IL1RAPL1: variants seen among roughly 807,000 people sequenced by gnomAD.
IL1RAPL1 encodes interleukin-1 receptor accessory protein-like 1.
IL1RAPL1 carries 3 observed loss-of-function variants against 48.4 expected under a neutral mutation model. The observed-to-expected ratio is 0.06, with a 90% CI of 0.03 to 0.16. The LOEUF (loss-of-function observed/expected upper bound fraction) is 0.16, where lower values mean the gene tolerates loss of function less well. Ranked by LOEUF, IL1RAPL1 falls within the 10% of genes least tolerant of loss-of-function variation. The probability of loss-of-function intolerance (pLI) is 1.00; values close to 1 mark genes in which losing one functional copy is unlikely to be tolerated. For missense variants in IL1RAPL1, 349 were observed against 530.6 expected (o/e 0.66, Z 3.36); for synonymous variants, 185 against 187.7 (o/e 0.99, Z 0.12).
chrX:28,724,351 G>A (rs1474253214), intron 1 of IL1RAPL1, among the ~76,000 whole-genome samples: 1 of 111,275 alleles, frequency 9.0e-6, no homozygotes, highest in Non-Finnish European at 1.9e-5. Context: ...TTATGTAATG[G>A]CCTTCTTTGT....
At chrX:29,127,164 A>G (rs187988503) in intron 2 of IL1RAPL1, among the ~76,000 whole-genome samples, 2 of 110,541 alleles carry the variant, frequency 1.8e-5, no homozygotes, top group East Asian at 2.8e-4. Context: ...CCTGTTTCTT[A>G]TTCTTTATTA....
chrX:29,284,541 G>A (rs375650733), intron 3 of IL1RAPL1, among the ~76,000 whole-genome samples: 1 of 111,653 alleles, frequency 9.0e-6, no homozygotes, highest in African/African-American at 3.3e-5. Flanking sequence ...CGAGGAGTTC[G>A]AGACCGGCCT....
intron 2 of IL1RAPL1, among the ~76,000 whole-genome samples, chrX:29,216,264 G>A (rs774672127): frequency 1.8e-5 from 2 of 110,613 alleles, no homozygotes; most frequent in Admixed American, 9.7e-5. Context: ...ATCACAATTC[G>A]CTGTAGCCTC....
intron 3 of IL1RAPL1, among the ~76,000 whole-genome samples, chrX:29,367,553 T>TA (rs375177272): frequency 5.2e-5 from 3 of 57,343 alleles, no homozygotes; most frequent in Non-Finnish European, 9.3e-5. Context: ...TCTATTTATT[T>TA]TTATTTATTT....
chrX:29,905,800 A>G (rs1172534223), intron 6 of IL1RAPL1, among the ~76,000 whole-genome samples: 1 of 111,604 alleles, frequency 9.0e-6, no homozygotes, highest in Non-Finnish European at 1.9e-5. Context: ...TGACTCCCAC[A>G]CAGATGGAAG....
intron 6 of IL1RAPL1, among the ~76,000 whole-genome samples, chrX:29,884,843 A>G (rs1398544625): frequency 1.8e-5 from 2 of 111,408 alleles, no homozygotes; most frequent in East Asian, 5.7e-4. Context: ...CTCACTCTTT[A>G]CATCCAATCT....
intron 2 of IL1RAPL1, among the ~76,000 whole-genome samples, chrX:29,004,794 G>A (rs1333889836): frequency 9.0e-6 from 1 of 111,475 alleles, no homozygotes; most frequent in Non-Finnish European, 1.9e-5. Context: ...CCCGGAGTTT[G>A]AGGCTGTTTT....
At chrX:29,383,071 A>G (rs988807706) in intron 3 of IL1RAPL1, among the ~76,000 whole-genome samples, 1 of 112,384 alleles carries the variant, frequency 8.9e-6, no homozygotes, top group Non-Finnish European at 1.9e-5. Flanking sequence ...AATGAAGGGT[A>G]TGTGCAACAA....
chrX:29,587,551 G>T (rs1415290018), intron 5 of IL1RAPL1, among the ~76,000 whole-genome samples: 2 of 111,861 alleles, frequency 1.8e-5, no homozygotes, highest in East Asian at 5.6e-4. Context: ...AAATAAGTTT[G>T]TGAGTTAATA....
intron 5 of IL1RAPL1, among the ~76,000 whole-genome samples, chrX:29,510,523 A>G (rs982269913): frequency 3.6e-5 from 4 of 112,070 alleles, no homozygotes; most frequent in Admixed American, 1.9e-4. Context: ...ATTAGACCAT[A>G]CATATACTTG....
intron 9 of IL1RAPL1, among the ~76,000 whole-genome samples, chrX:29,952,365 G>A (rs972772480): frequency 1.8e-5 from 2 of 111,482 alleles, no homozygotes; most frequent in African/African-American, 6.5e-5. Flanking sequence ...TCTGGCCTGA[G>A]GAGTCCTTCC....
intron 2 of IL1RAPL1, among the ~76,000 whole-genome samples, chrX:29,161,512 C>T (rs1054911297): frequency 8.9e-6 from 1 of 111,904 alleles, no homozygotes; most frequent in East Asian, 2.8e-4. Context: ...TCGCAGACAC[C>T]TCTAGGTTTA....
chrX:29,284,569 C>G (rs775873913), intron 3 of IL1RAPL1, among the ~76,000 whole-genome samples: 318 of 111,095 alleles, frequency 2.9e-3, no homozygotes, highest in Non-Finnish European at 5.2e-3. Context: ...ATGGCAAAAC[C>G]CCATCTCTAC....
At chrX:28,873,829 C>T (rs967405195) in intron 2 of IL1RAPL1, among the ~76,000 whole-genome samples, 12 of 109,984 alleles carry the variant, frequency 1.1e-4, no homozygotes, top group East Asian at 5.7e-4. Context: ...CCGCACCTGG[C>T]CTATTGTTTT....
chrX:28,766,292 A>G (rs1349717228), intron 1 of IL1RAPL1, among the ~76,000 whole-genome samples: 3 of 111,325 alleles, frequency 2.7e-5, no homozygotes, highest in Non-Finnish European at 5.7e-5. Context: ...TATCTAGAAA[A>G]TAGAAATCAA....
intron 2 of IL1RAPL1, among the ~76,000 whole-genome samples, chrX:29,237,115 A>ACTTGTTGT (rs1931324498): frequency 9.1e-6 from 1 of 109,636 alleles, no homozygotes; most frequent in Non-Finnish European, 1.9e-5. Context: ...CAAGTAATAT[A>ACTTGTTGT]TCTGCATGAT....
intron 6 of IL1RAPL1, among the ~76,000 whole-genome samples, chrX:29,802,779 A>G (rs1452556450): frequency 8.9e-5 from 2 of 22,358 alleles, no homozygotes; most frequent in South Asian, 4.2e-3. Context: ...ATATATATAT[A>G]TATGTGTGTG....
intron 3 of IL1RAPL1, among the ~76,000 whole-genome samples, chrX:29,345,273 G>A (rs1336814378): frequency 9.0e-6 from 1 of 111,414 alleles, no homozygotes; most frequent in Non-Finnish European, 1.9e-5. Context: ...TGTCAGTATC[G>A]ATTTATTTTC....
intron 1 of IL1RAPL1, among the ~76,000 whole-genome samples, chrX:28,670,297 C>T (rs1367573609): frequency 1.8e-5 from 2 of 111,434 alleles, no homozygotes; most frequent in South Asian, 3.8e-4. Context: ...TAAACCAGAC[C>T]CTTGTGATTT....
Sources: allele counts gnomAD v4.1 joint callset (sites outside exome capture counted in the v4.1 genomes callset), GRCh38; gene constraint gnomAD v4.1.1; transcripts MANE v1.5; gene names NCBI Gene and HGNC (gene_info 2026-07-23, HGNC 2026-07-21).